Variants in MMP16 observed in about 807,000 individuals in gnomAD.
The protein encoded by MMP16 is matrix metalloproteinase-16.
A neutral mutation model predicts 67.8 loss-of-function variants in MMP16; 12 were observed. The observed-to-expected ratio is 0.18, with a 90% CI of 0.11 to 0.29. The LOEUF (loss-of-function observed/expected upper bound fraction) is 0.29, where lower values mean the gene tolerates loss of function less well. MMP16 is among the 10% of genes least tolerant of loss of function. The pLI is 1.00. For missense variants in MMP16, 475 were observed against 765.7 expected (o/e 0.62, Z 4.48); for synonymous variants, 249 against 255.9 (o/e 0.97, Z 0.26).
At chr8:88,142,529 T>C (rs535948530) in intron 4 of MMP16, among the ~76,000 whole-genome samples, 20 of 152,232 alleles carry the variant, frequency 1.3e-4, no homozygotes, top group African/African-American at 4.6e-4. Context: ...TTAAAGATTT[T>C]AATAATTTTC....
At chr8:88,075,691 A>G (rs2118285921) in intron 6 of MMP16, among the ~76,000 whole-genome samples, 1 of 152,270 alleles carries the variant, frequency 6.6e-6, no homozygotes, top group South Asian at 2.1e-4. Flanking sequence ...TACAATTAAA[A>G]TTTCACTTTA....
intron 4 of MMP16, among the ~76,000 whole-genome samples, chr8:88,121,986 T>C (rs765339855): frequency 8.6e-5 from 13 of 152,018 alleles, no homozygotes; most frequent in Non-Finnish European, 1.9e-4. Flanking sequence ...ACTAAAATAT[T>C]TGGATATCAC....
intron 6 of MMP16, among the ~76,000 whole-genome samples, chr8:88,090,996 TC>T (rs1485211305): frequency 6.6e-6 from 1 of 151,890 alleles, no homozygotes; most frequent in East Asian, 1.9e-4. Context: ...TTCCTATTGA[TC>T]CTTCAAAATG....
At chr8:88,293,141 G>A (rs976292396) in intron 1 of MMP16, among the ~76,000 whole-genome samples, 4 of 152,050 alleles carry the variant, frequency 2.6e-5, no homozygotes, top group African/African-American at 9.7e-5. Context: ...TCCATACTGA[G>A]TACATCTTGA....
intron 1 of MMP16, among the ~76,000 whole-genome samples, chr8:88,284,223 A>G (rs927878243): frequency 6.6e-6 from 1 of 152,202 alleles, no homozygotes; most frequent in Non-Finnish European, 1.5e-5. Context: ...ATGTCTTATC[A>G]TGCCAATCTA....
intron 8 of MMP16, among the ~76,000 whole-genome samples, chr8:88,050,746 C>A (rs1586123401): frequency 1.3e-5 from 2 of 152,272 alleles, no homozygotes; most frequent in Non-Finnish European, 2.9e-5. Context: ...GGTTCTTATT[C>A]TCTCAATGCT....
intron 4 of MMP16, among the ~76,000 whole-genome samples, chr8:88,139,624 C>T (rs1313582734): frequency 6.6e-6 from 1 of 151,960 alleles, no homozygotes; most frequent in Non-Finnish European, 1.5e-5. Context: ...TCTTTATTTT[C>T]TGATATGAGC....
At chr8:88,239,307 AAAAAAAAG>A (rs1466658394) in intron 1 of MMP16, among the ~76,000 whole-genome samples, 1 of 151,462 alleles carries the variant, frequency 6.6e-6, no homozygotes, top group Non-Finnish European at 1.5e-5. Context: ...AAAAAAAAAA[AAAAAAAAG>A]AAAATTTCAA....
chr8:88,312,838 C>T (rs1811316047), intron 1 of MMP16, among the ~76,000 whole-genome samples: 1 of 152,086 alleles, frequency 6.6e-6, no homozygotes, highest in Admixed American at 6.6e-5. Context: ...TGTGGTGGTG[C>T]ATGCCTGTAA....
chr8:88,048,800 A>G (rs1225852469), intron 8 of MMP16, among the ~76,000 whole-genome samples: 1 of 152,172 alleles, frequency 6.6e-6, no homozygotes, highest in Non-Finnish European at 1.5e-5. Context: ...GAAATGATAC[A>G]TTTAAAAAAA....
At chr8:88,044,183 T>C (rs545895875) in intron 9 of MMP16, among the ~76,000 whole-genome samples, 6 of 152,334 alleles carry the variant, frequency 3.9e-5, no homozygotes, top group Admixed American at 3.3e-4. Flanking sequence ...TGGAGGCTCA[T>C]GCCTGTAATC....
At chr8:88,154,842 A>G (rs1404331073) in intron 4 of MMP16, among the ~76,000 whole-genome samples, 1 of 150,600 alleles carries the variant, frequency 6.6e-6, no homozygotes, top group Non-Finnish European at 1.5e-5. Context: ...CAATGTGCAC[A>G]TGTACCCTAA....
chr8:88,153,469 T>C (rs1371503789), intron 4 of MMP16, among the ~76,000 whole-genome samples: 4 of 152,092 alleles, frequency 2.6e-5, no homozygotes, highest in Non-Finnish European at 4.4e-5. Flanking sequence ...CAAACTATAC[T>C]ACAAGGCTAC....
chr8:88,204,309 A>T (rs1189534322), intron 1 of MMP16, among the ~76,000 whole-genome samples: 1 of 152,224 alleles, frequency 6.6e-6, no homozygotes. Flanking sequence ...ATAGCATTAC[A>T]AAATAAGGCT....
chr8:88,187,440 C>A (rs376481240), intron 2 of MMP16, among the ~76,000 whole-genome samples: 3 of 151,934 alleles, frequency 2.0e-5, no homozygotes, highest in African/African-American at 7.3e-5. Flanking sequence ...TTCTTTAGTG[C>A]GTTATAAAGT....
intron 1 of MMP16, among the ~76,000 whole-genome samples, chr8:88,267,097 A>T (rs1810488114): frequency 6.6e-6 from 1 of 152,186 alleles, no homozygotes; most frequent in African/African-American, 2.4e-5. Context: ...GCTACCTGAC[A>T]TCTGCCAATA....
chr8:88,066,472 T>A (rs964266118), intron 7 of MMP16, among the ~76,000 whole-genome samples: 2 of 152,084 alleles, frequency 1.3e-5, no homozygotes, highest in Non-Finnish European at 2.9e-5. Flanking sequence ...AAACACCTTA[T>A]GAGCATAAAG....
chr8:88,129,591 A>G, intron 4 of MMP16, among the ~76,000 whole-genome samples: 1 of 151,714 alleles, frequency 6.6e-6, no homozygotes, highest in Middle Eastern at 3.4e-3. Context: ...ATTAAAAAAA[A>G]GAAAAGAAAA....
chr8:88,294,297 T>C (rs1460718042), intron 1 of MMP16, among the ~76,000 whole-genome samples: 1 of 151,004 alleles, frequency 6.6e-6, no homozygotes, highest in Non-Finnish European at 1.5e-5. Flanking sequence ...CATATATGTA[T>C]ATATGTATAT....
Sources: allele counts gnomAD v4.1 joint callset (sites outside exome capture counted in the v4.1 genomes callset), GRCh38; gene constraint gnomAD v4.1.1; transcripts MANE v1.5; gene names NCBI Gene and HGNC (gene_info 2026-07-23, HGNC 2026-07-21).